PCBP3: variants seen among roughly 807,000 people sequenced by gnomAD.
The protein encoded by PCBP3 is poly(rC) binding protein 3.
Under a neutral mutation model 52.7 loss-of-function variants are expected in PCBP3, and 25 were observed. That is an observed-to-expected ratio of 0.47 (90% confidence interval 0.35 to 0.66). The LOEUF (loss-of-function observed/expected upper bound fraction) is 0.66, where lower values mean the gene tolerates loss of function less well. Among genes scored for constraint, PCBP3 ranks in the 30% least tolerant of loss-of-function variants. The pLI is 0.01. For synonymous variants in PCBP3, 162 were observed against 183.0 expected (o/e 0.89, Z 0.93); for missense variants, 391 against 490.3 (o/e 0.80, Z 1.91).
intron 4 of PCBP3, among the ~76,000 whole-genome samples, chr21:45,757,737 A>C (rs1452409290): frequency 6.6e-6 from 1 of 152,268 alleles, no homozygotes; most frequent in East Asian, 1.9e-4. Context: ...ATTCTTTTGC[A>C]TGGGGATATT....
chr21:45,671,710 A>C (rs1351743857), intron 2 of PCBP3, among the ~76,000 whole-genome samples: 3 of 152,164 alleles, frequency 2.0e-5, no homozygotes, highest in Non-Finnish European at 4.4e-5. Flanking sequence ...AAGTGGGGAC[A>C]ATTTTTTGAT....
intron 2 of PCBP3, among the ~76,000 whole-genome samples, chr21:45,712,110 G>C (rs1473249313): frequency 6.6e-6 from 1 of 152,134 alleles, no homozygotes; most frequent in Non-Finnish European, 1.5e-5. Flanking sequence ...ATAATATTCT[G>C]TTGTATAAAT....
intron 2 of PCBP3, among the ~76,000 whole-genome samples, chr21:45,730,133 C>A (rs555232265): frequency 2.0e-5 from 3 of 151,730 alleles, no homozygotes; most frequent in South Asian, 4.2e-4. Context: ...GGATTTGAGA[C>A]CTTTTATTTC....
chr21:45,902,392 T>C (rs1191168945), intron 9 of PCBP3, among the ~76,000 whole-genome samples: 1 of 151,804 alleles, frequency 6.6e-6, no homozygotes, highest in Non-Finnish European at 1.5e-5. Context: ...GTTTCCCCTT[T>C]AAGCCACTCT....
rs374657607 is a variant in PCBP3 at position 45,853,067 on chromosome 21, T to C, written c.10+2972T>C. ...CGGGCAGTGGACTCGCACCAGGCAT[T>C]GGGAGCAGATGCGGAAAGTGCACAT... On this transcript the variant is annotated intron_variant, in intron 5 of 17. Coordinates refer to ENST00000681687, the MANE Select transcript of PCBP3 (RefSeq NM_001384156.1). The surrounding 1 kb of genome is among the most constrained non-coding windows in gnomAD (Gnocchi z 4.6). Among the ~76,000 whole-genome samples, 56 of 152,204 alleles carry C rather than the reference T, an allele frequency of 3.7e-4. 2 individuals carry two copies. In the East Asian group the frequency reaches 7.7e-3, roughly 21 times the overall value.
chr21:45,724,216 G>C lies in PCBP3; in HGVS notation c.-199-11176G>C, dbSNP rs886154354. Among the ~76,000 whole-genome samples the C allele has an allele frequency of 1.3e-5, 2 of 152,176 alleles. No individual in the cohort carries two copies. The highest frequency in any genetic ancestry group is 2.9e-5 in the Non-Finnish European group (2 of 68,030). On this transcript the variant is annotated intron_variant, in intron 2 of 17. Transcript: ENST00000681687. The surrounding 1 kb of genome is among the most constrained non-coding windows in gnomAD (Gnocchi z 5.3). ...CCTTTATTGAGATCTGTTGAAGTCTGAGCTCCTATTAACACATTTATCGAA... is the reference window on the plus strand; with the variant it reads ...CCTTTATTGAGATCTGTTGAAGTCTCAGCTCCTATTAACACATTTATCGAA...
chr21:45,798,017 G>T (rs112350483), intron 4 of PCBP3, among the ~76,000 whole-genome samples: 1,821 of 130,710 alleles, frequency 0.014, 11 homozygotes, highest in African/African-American at 0.05. Flanking sequence ...AGAGTGAATG[G>T]ATGCGTACAT....
intron 3 of PCBP3, among the ~76,000 whole-genome samples, chr21:45,743,491 T>C (rs2086600026): frequency 6.6e-6 from 1 of 152,234 alleles, no homozygotes; most frequent in South Asian, 2.1e-4. Flanking sequence ...TGATTCCTGC[T>C]TTTGTCTCTC....
At chr21:45,700,762 C>T (rs1569130867) in intron 2 of PCBP3, among the ~76,000 whole-genome samples, 1 of 152,134 alleles carries the variant, frequency 6.6e-6, no homozygotes, top group Non-Finnish European at 1.5e-5. Context: ...GCTGGTCACT[C>T]CCTCCTTCTC....
chr21:45,798,797 A>G (rs1461059164), intron 4 of PCBP3, among the ~76,000 whole-genome samples: 4 of 149,468 alleles, frequency 2.7e-5, no homozygotes, highest in Non-Finnish European at 3.0e-5. Flanking sequence ...CTGTAGAGAG[A>G]GTGAATGCGT....
At chr21:45,652,677 A>G (rs1270264776) in intron 1 of PCBP3, among the ~76,000 whole-genome samples, 1 of 152,062 alleles carries the variant, frequency 6.6e-6, no homozygotes, top group Non-Finnish European at 1.5e-5. Flanking sequence ...TCCTGACCTC[A>G]GGTGATCTGC....
intron 2 of PCBP3, among the ~76,000 whole-genome samples, chr21:45,678,631 C>T (rs1728991630): frequency 1.3e-5 from 2 of 151,744 alleles, no homozygotes; most frequent in Admixed American, 1.3e-4. Flanking sequence ...GACTGAATTG[C>T]TGCAATCTCA....
intron 13 of PCBP3, among the ~76,000 whole-genome samples, chr21:45,929,345 A>G (rs1011981358): frequency 1.3e-5 from 2 of 152,174 alleles, no homozygotes; most frequent in African/African-American, 4.8e-5. Context: ...AGGTGACTAA[A>G]AGGCAGATGT....
intron 4 of PCBP3, among the ~76,000 whole-genome samples, chr21:45,819,541 C>T (rs901025321): frequency 1.3e-5 from 2 of 152,260 alleles, no homozygotes; most frequent in Non-Finnish European, 2.9e-5. Context: ...GGCCGGCAGC[C>T]ACTGTTGTCC....
chr21:45,871,536 G>A (rs1224545244), intron 5 of PCBP3: 2 of 152,676 alleles, frequency 1.3e-5, no homozygotes, highest in East Asian at 3.9e-4. Context: ...GCCAGGTTCT[G>A]CTTCACTCTT....
chr21:45,702,221 G>T (rs918598774), intron 2 of PCBP3, among the ~76,000 whole-genome samples: 9 of 152,190 alleles, frequency 5.9e-5, no homozygotes, highest in African/African-American at 2.2e-4. Flanking sequence ...CCCATTGTCT[G>T]TCAGTCTTGC....
At chr21:45,935,604 C>T (rs533895638) in intron 16 of PCBP3, 1 of 504,768 alleles carries the variant, frequency 2.0e-6, no homozygotes, top group Non-Finnish European at 3.8e-6. Context: ...GCTGTGGAGG[C>T]ACTGCCCTGG....
chr21:45,708,514 G>T (rs1235519104), intron 2 of PCBP3, among the ~76,000 whole-genome samples: 1 of 152,186 alleles, frequency 6.6e-6, no homozygotes, highest in African/African-American at 2.4e-5. Flanking sequence ...GCTGACAAAG[G>T]ATTCTCCTAA....
rs2096376929 is a variant in PCBP3, at chr21:45,910,956, C to T, written c.526C>T (p.Arg176Ter). The T allele has an allele frequency of 1.2e-6, 2 of 1,611,978 alleles. No individual in the cohort carries two copies. The highest frequency in any genetic ancestry group is 1.7e-6 in the Non-Finnish European group (2 of 1,179,830). ...GGACATGCTGCCCAACTCCACGGAG[C>T]GAGCGGTGACCATCTCGGGGACCCC... ...AGDMLPNSTE[R>*]AVTISGTPDA... Residue 176 changes from arginine to a stop codon, truncating the protein, a stop_gained, in exon 11 of 18, where the codon CGA becomes TGA. Coordinates refer to ENST00000681687, the MANE Select transcript of PCBP3 (RefSeq NM_001384156.1). LOFTEE classifies it high-confidence loss of function.
Sources: gnomAD v4.1 joint callset for allele counts (sites outside exome capture counted in the v4.1 genomes callset) on GRCh38, gnomAD v4.1.1 for gene constraint, Gnocchi (gnomAD v3.1) non-coding constraint, MANE v1.5 for transcripts, NCBI Gene and HGNC (gene_info 2026-07-23, HGNC 2026-07-21) for gene names.